CMTM4: variants seen among roughly 807,000 people sequenced by gnomAD.
CMTM4 encodes CKLF like MARVEL transmembrane domain containing 4, also known as CKLF-like MARVEL transmembrane domain-containing protein 4.
A neutral mutation model predicts 19.0 loss-of-function variants in CMTM4; 8 were observed. That is an observed-to-expected ratio of 0.42 (90% CI 0.25 to 0.76). CMTM4 has a LOEUF of 0.76. CMTM4 is among the 30% of genes least tolerant of loss of function. The pLI, the probability that CMTM4 is intolerant of heterozygous loss-of-function variation, is 0.27. For synonymous variants in CMTM4, 106 were observed against 121.1 expected (o/e 0.88, Z 0.82); for missense variants, 228 against 290.2 (o/e 0.79, Z 1.56).
intron 1 of CMTM4, among the ~76,000 whole-genome samples, chr16:66,654,207 CAAGCAAAGTG>C (rs1260862128): frequency 6.6e-6 from 1 of 152,180 alleles, no homozygotes; most frequent in Non-Finnish European, 1.5e-5. Context: ...ATCCTATTGA[CAAGCAAAGTG>C]AAGCAAAGTT....
At chr16:66,648,819 A>G (rs2016255018) in intron 1 of CMTM4, among the ~76,000 whole-genome samples, 1 of 151,986 alleles carries the variant, frequency 6.6e-6, no homozygotes, top group Non-Finnish European at 1.5e-5. Flanking sequence ...TAAAAATACA[A>G]AAACTAGCTG....
rs1297346057 is a variant in CMTM4, at chr16:66,619,043, C to T, written c.*3015G>A. ...GTCACCTCCCTCGGATGGCTGTTTA[C>T]TTCAAATCAAACTTCTCTGACGAGA... On this transcript the variant is annotated 3_prime_UTR_variant, in exon 4 of 4. Transcript: ENST00000394106. The T allele has an allele frequency of 1.0e-6, 1 of 985,386 alleles. No homozygotes were observed. The highest frequency in any genetic ancestry group is 1.2e-6 in the Non-Finnish European group (1 of 829,956). The allele number at this position is 985,386 out of a possible 1,614,324, so 61.0% of individuals were successfully genotyped here.
chr16:66,642,310 T>C (rs1308028850), intron 1 of CMTM4, among the ~76,000 whole-genome samples: 85 of 152,210 alleles, frequency 5.6e-4, no homozygotes, highest in Non-Finnish European at 2.9e-5. Flanking sequence ...AAAAGATGTA[T>C]ATAAGAAAAA....
chr16:66,690,590 A>C (rs1326453935), intron 1 of CMTM4, among the ~76,000 whole-genome samples: 1 of 152,212 alleles, frequency 6.6e-6, no homozygotes, highest in Non-Finnish European at 1.5e-5. Context: ...AAAACTAACA[A>C]GGTTTCCACC....
the CMTM4 span, among the ~76,000 whole-genome samples, chr16:66,600,865 A>G: frequency 6.6e-6 from 1 of 152,196 alleles, no homozygotes; most frequent in East Asian, 1.9e-4. Context: ...ACTGCACTAT[A>G]GTCACTGAAG....
At chr16:66,634,010 GAAAAGA>G (rs1455099266) in intron 2 of CMTM4, among the ~76,000 whole-genome samples, 1 of 152,156 alleles carries the variant, frequency 6.6e-6, no homozygotes, top group African/African-American at 2.4e-5. Flanking sequence ...CCACCCAGAG[GAAAAGA>G]ACGAGTATCA....
intron 1 of CMTM4, among the ~76,000 whole-genome samples, chr16:66,666,863 C>G (rs899985535): frequency 1.3e-5 from 2 of 152,180 alleles, no homozygotes; most frequent in African/African-American, 4.8e-5. Flanking sequence ...GAGACCTAAA[C>G]ATTAAACTCC....
chr16:66,671,298 G>A (rs1244449679), intron 1 of CMTM4, among the ~76,000 whole-genome samples: 2 of 152,166 alleles, frequency 1.3e-5, no homozygotes, highest in African/African-American at 4.8e-5. Flanking sequence ...AGAGGGGAAG[G>A]AATCAGGCAA....
At position 66,696,363 on chromosome 16, in the gene CMTM4, C is replaced by G. The variant is rs1206320784; in HGVS notation, c.163G>C (p.Gly55Arg). ...ACCACTTGGGCGACCTTGAGGCGGC[C>G]GAGCGCGCCGCGCAGGTAGTCGGGG... ...CDPDYLRGAL[G>R]RLKVAQVILA... Residue 55 changes from glycine to arginine, a missense_variant, in exon 1 of 4, where the codon GGC becomes CGC. This residue lies in a region of CMTM4 where 200 missense variants were observed against 226.6 expected (regional missense o/e 0.88). Coordinates refer to ENST00000394106, the MANE Select transcript of CMTM4 (RefSeq NM_181521.3). The surrounding 1 kb of genome is among the most constrained non-coding windows in gnomAD (Gnocchi z 4.3). 8 of 1,421,502 alleles carry G rather than the reference C, an allele frequency of 5.6e-6. No homozygotes were observed. Among genetic ancestry groups the G allele is most frequent in the Non-Finnish European group, 7.3e-6 (8 of 1,089,728 alleles). The allele number at this position is 1,421,502 out of a possible 1,614,324, so 88.1% of individuals were successfully genotyped here.
the CMTM4 span, chr16:66,604,545 TGAA>T: frequency 6.8e-6 from 2 of 294,732 alleles, no homozygotes; most frequent in African/African-American, 2.3e-5. Flanking sequence ...CGAACCAGGG[TGAA>T]GAAGAAGGTG....
intron 1 of CMTM4, among the ~76,000 whole-genome samples, chr16:66,679,738 C>T (rs1184016034): frequency 2.0e-5 from 3 of 150,932 alleles, no homozygotes; most frequent in East Asian, 2.0e-4. Flanking sequence ...GCAAGAGAAA[C>T]GCTTGAACCT....
intron 1 of CMTM4, among the ~76,000 whole-genome samples, chr16:66,640,392 A>G (rs2144818651): frequency 6.6e-6 from 1 of 152,354 alleles, no homozygotes; most frequent in East Asian, 1.9e-4. Context: ...TATAAGGGAC[A>G]GCTGTCTGGA....
At chr16:66,629,257 T>A (rs1399675256) in intron 2 of CMTM4, among the ~76,000 whole-genome samples, 3 of 151,216 alleles carry the variant, frequency 2.0e-5, no homozygotes, top group Non-Finnish European at 4.4e-5. Context: ...CTCTGTCCTA[T>A]CCATCCAGGA....
At chr16:66,643,117 C>T (rs755300121) in intron 1 of CMTM4, among the ~76,000 whole-genome samples, 2 of 152,212 alleles carry the variant, frequency 1.3e-5, no homozygotes, top group Middle Eastern at 3.4e-3. Flanking sequence ...GACAGGGTTT[C>T]GTCATGTTGG....
At chr16:66,609,319 G>T in the CMTM4 span, 1 of 855,658 alleles carries the variant, frequency 1.2e-6, no homozygotes, top group Non-Finnish European at 1.8e-6. The surrounding 1 kb of genome is among the most constrained non-coding windows in gnomAD (Gnocchi z 4.4). Context: ...GCCAGGATGG[G>T]ATAGGAGCCC....
chr16:66,648,552 G>A (rs2016249247), intron 1 of CMTM4, among the ~76,000 whole-genome samples: 2 of 151,478 alleles, frequency 1.3e-5, no homozygotes, highest in Admixed American at 1.3e-4. Flanking sequence ...CAGCTACTCA[G>A]GAGGCTGAGA....
Position 66,620,820 on chromosome 16 carries a change from T to C in CMTM4, c.*1238A>G. The C allele has an allele frequency of 1.0e-6, 1 of 985,244 alleles. No individual in the cohort carries two copies. The highest frequency in any genetic ancestry group is 1.2e-6 in the Non-Finnish European group (1 of 829,562). The allele number at this position is 985,244 out of a possible 1,614,324, so 61.0% of individuals were successfully genotyped here. On this transcript the variant is annotated 3_prime_UTR_variant, in exon 4 of 4. Coordinates refer to ENST00000394106, the MANE Select transcript of CMTM4 (RefSeq NM_181521.3). ...CAACTTTTTTCCATAAAAGATATAA[T>C]TACTCTCTAATTTTTTAAAAAAACT...
chr16:66,691,874 TCA>T (rs1015022752), intron 1 of CMTM4, among the ~76,000 whole-genome samples: 10 of 152,234 alleles, frequency 6.6e-5, no homozygotes, highest in East Asian at 1.9e-4. Flanking sequence ...GGTGATATTT[TCA>T]CACAGTTTCT....
At chr16:66,600,129 T>TGGG in the CMTM4 span, among the ~76,000 whole-genome samples, 1 of 144,582 alleles carries the variant, frequency 6.9e-6, no homozygotes, top group African/African-American at 2.7e-5. Context: ...TGTGTGTGTG[T>TGGG]GTGTGTGTTT....
Sources: gnomAD v4.1 joint callset for allele counts (sites outside exome capture counted in the v4.1 genomes callset) on GRCh38, gnomAD v4.1.1 for gene constraint, gnomAD v4.1.1 regional missense constraint, Gnocchi (gnomAD v3.1) non-coding constraint, MANE v1.5 for transcripts, NCBI Gene and HGNC (gene_info 2026-07-23, HGNC 2026-07-21) for gene names.